BAHCC1: variants seen among roughly 807,000 people sequenced by gnomAD.
BAHCC1 encodes the protein BAH and coiled-coil domain-containing protein 1.
Under a neutral mutation model 88.2 loss-of-function variants are expected in BAHCC1, and 43 were observed. That is an observed-to-expected ratio of 0.49 (90% confidence interval 0.38 to 0.63). The LOEUF (loss-of-function observed/expected upper bound fraction) is 0.63. Ranked by LOEUF, BAHCC1 falls within the 20% of genes least tolerant of loss-of-function variation. The pLI is 0.00. For missense variants in BAHCC1, 3,023 were observed against 1,654.8 expected, an observed-to-expected ratio of 1.83 and a Z score of -14.34; for synonymous variants, 1,510 against 745.5, an observed-to-expected ratio of 2.03 and a Z score of -16.71.
At chr17:81,413,051 G>C (rs1220467463) in intron 2 of BAHCC1, 1 of 381,280 alleles carries the variant, frequency 2.6e-6, no homozygotes, top group Non-Finnish European at 5.3e-6. Flanking sequence ...ACGAGTCCAG[G>C]TCCCGCCCAC....
chr17:81,438,319 G>A (rs1555652006), intron 3 of BAHCC1, 51 bp from the exon 4 acceptor site: 1 of 773,890 alleles, frequency 1.3e-6, no homozygotes, highest in South Asian at 1.4e-5. Flanking sequence ...GGGCGAGTGT[G>A]GGCCAGGGGG....
chr17:81,412,305 T>C (rs11655234), intron 2 of BAHCC1, among the ~76,000 whole-genome samples: 27,954 of 152,296 alleles, frequency 0.18, 2,782 homozygotes, highest in Non-Finnish European at 0.2. Flanking sequence ...ACTTTTAATT[T>C]ATTTTAATTG....
intron 2 of BAHCC1, 66 bp from the exon 3 acceptor site, chr17:81,426,734 C>T (rs2064204470): frequency 5.0e-6 from 2 of 398,184 alleles, no homozygotes; most frequent in South Asian, 1.3e-4. Context: ...GTGGTGTTGC[C>T]CCTGCCCTGC....
intron 13 of BAHCC1, 128 bp downstream of exon 13, chr17:81,452,235 A>G: frequency 4.0e-6 from 2 of 498,026 alleles, no homozygotes; most frequent in Non-Finnish European, 7.0e-6. Context: ...GTGGGCAGAC[A>G]CCAGGGTCCA....
chr17:81,451,605 A>G, intron 11 of BAHCC1, 63 bp from the exon 12 acceptor site: 1 of 707,504 alleles, frequency 1.4e-6, no homozygotes, highest in Non-Finnish European at 2.6e-6. Flanking sequence ...GGCTGACATC[A>G]AGAGCCTGTG....
chr17:81,433,477 G>T (rs569677729), intron 3 of BAHCC1, among the ~76,000 whole-genome samples: 3 of 148,948 alleles, frequency 2.0e-5, no homozygotes, highest in Non-Finnish European at 4.5e-5. Context: ...GGCCCCTCCT[G>T]TGCCCAGGGC....
At position 81,443,504 on chromosome 17, in the gene BAHCC1, T is replaced by C. The variant is rs555709611; in HGVS notation, c.2155T>C (p.Ser719Pro). The C allele has an allele frequency of 1.0e-5, 7 of 699,592 alleles. No individual in the cohort carries two copies. The highest frequency in any genetic ancestry group is 9.1e-5 in the South Asian group (6 of 66,128). The allele number at this position is 699,592 out of a possible 1,614,324, so 43.3% of individuals were successfully genotyped here. The change falls in exon 5 of 28, where the codon TCT becomes CCT. Residue 719 changes from serine to proline, a missense_variant. By Grantham distance (74) the Ser-to-Pro change is moderately conservative. Coordinates refer to ENST00000675386, the MANE Select transcript of BAHCC1 (RefSeq NM_001377448.1). ...LARQKDTVSR[S>P]EAAYGTNTAR... Reference sequence around the variant, plus strand: ...CCGGCAGAAGGACACAGTGAGCCGGTCTGAGGCAGCCTACGGCACCAACAC... The same window carrying C: ...CCGGCAGAAGGACACAGTGAGCCGGCCTGAGGCAGCCTACGGCACCAACAC...
Position 81,444,578 on chromosome 17 carries a change from C to A in BAHCC1, c.2512+10C>A. 1 of 734,170 alleles carries A rather than the reference C, an allele frequency of 1.4e-6. No homozygotes were observed. The highest frequency in any genetic ancestry group is 2.5e-6 in the Non-Finnish European group (1 of 400,878). The allele number at this position is 734,170 out of a possible 1,614,324, so 45.5% of individuals were successfully genotyped here. A position where few individuals can be genotyped will look rare whatever the true frequency, so the allele number is the denominator to read the frequency against. On this transcript the variant is annotated intron_variant, in intron 7 of 27. Transcript: ENST00000675386. ...GGGGGGCACTCCTACGGTCAGTGATCCAAGGGCGGGGGCTGGCCTGGGGCT... is the reference window on the plus strand; with the variant it reads ...GGGGGGCACTCCTACGGTCAGTGATACAAGGGCGGGGGCTGGCCTGGGGCT...
Position 81,444,437 on chromosome 17 carries a change from G to A in BAHCC1, c.2381G>A (p.Gly794Glu), listed in dbSNP as rs1555653677. ...ARIHPPSSCP[G>E]DLAPHLMMQS... ...ATCCACCCACCGAGCAGCTGCCCTGGGGACCTGGCCCCCCACCTCATGATG... is the reference window on the plus strand; with the variant it reads ...ATCCACCCACCGAGCAGCTGCCCTGAGGACCTGGCCCCCCACCTCATGATG... The change falls in exon 7 of 28, where the codon GGG (glycine) becomes GAG (glutamate). Residue 794 changes from glycine (G) to glutamate (E), a missense_variant. Coordinates refer to ENST00000675386, the MANE Select transcript of BAHCC1 (RefSeq NM_001377448.1). The A allele has an allele frequency of 1.3e-6, 1 of 745,796 alleles. No homozygotes were observed. Among genetic ancestry groups the A allele is most frequent in the African/African-American group, 1.7e-5 (1 of 58,370 alleles). 46.2% of individuals were successfully genotyped at this position (745,796 alleles called of 1,614,324 possible).
intron 3 of BAHCC1, among the ~76,000 whole-genome samples, chr17:81,437,607 CG>C (rs574234380): frequency 1.1e-4 from 16 of 152,340 alleles, no homozygotes; most frequent in African/African-American, 3.8e-4. Flanking sequence ...CAGGGCCAGC[CG>C]CGTGGGTGGC....
chr17:81,444,107 C>A (rs373216831), intron 6 of BAHCC1, 190 bp downstream of exon 6: 18 of 604,824 alleles, frequency 3.0e-5, no homozygotes, highest in African/African-American at 1.8e-4. Context: ...TCTCAGTTAA[C>A]CCCTTGCAGC....
At chr17:81,441,229 G>A (rs2064409434) in intron 4 of BAHCC1, among the ~76,000 whole-genome samples, 1 of 152,228 alleles carries the variant, frequency 6.6e-6, no homozygotes. Flanking sequence ...CAGAACTGCG[G>A]TTCGGGGAGG....
At chr17:81,451,553 C>T (rs2064634595) in intron 11 of BAHCC1, 115 bp from the exon 12 acceptor site, 3 of 622,210 alleles carry the variant, frequency 4.8e-6, no homozygotes, top group East Asian at 5.5e-5. Flanking sequence ...GTCTCCTGAC[C>T]CTCATCCCGG....
rs1598521715 is a variant in BAHCC1 at position 81,464,300 on chromosome 17, G to A, written c.*483G>A. The A allele has an allele frequency of 5.2e-6, 1 of 192,282 alleles. No individual in the cohort carries two copies. The highest frequency in any genetic ancestry group is 2.3e-5 in the African/African-American group (1 of 42,830). 11.9% of individuals were successfully genotyped at this position (192,282 alleles called of 1,614,324 possible). On this transcript the variant is annotated 3_prime_UTR_variant, in exon 28 of 28. Coordinates refer to ENST00000675386, the MANE Select transcript of BAHCC1 (RefSeq NM_001377448.1). ...ACAAGGTGTGTGTGAGCGTGTATGT[G>A]TGTGCGCGTGTGTGGCGATTTTTGT...
At chr17:81,407,864 T>C (rs782246020) in intron 2 of BAHCC1, among the ~76,000 whole-genome samples, 93 of 152,320 alleles carry the variant, frequency 6.1e-4, no homozygotes, top group Non-Finnish European at 1.1e-3. Context: ...ACTCACACTG[T>C]TCACAACTGG....
At chr17:81,396,535 C>A (rs1490752606) in intron 1 of BAHCC1, 1 of 152,218 alleles carries the variant, frequency 6.6e-6, no homozygotes, top group Admixed American at 6.5e-5. Context: ...CACTCGCGCC[C>A]CAAGGCGCGC....
intron 2 of BAHCC1, among the ~76,000 whole-genome samples, chr17:81,415,053 C>T (rs914911888): frequency 6.7e-6 from 1 of 149,416 alleles, no homozygotes; most frequent in African/African-American, 2.5e-5. Context: ...CCCATTGGAG[C>T]TCTGCCCTTC....
intron 2 of BAHCC1, among the ~76,000 whole-genome samples, chr17:81,408,959 C>T (rs1195061875): frequency 3.9e-5 from 6 of 152,264 alleles, no homozygotes; most frequent in African/African-American, 7.2e-5. Context: ...GCTCAGGTGA[C>T]GCGCACAGGC....
At chr17:81,424,930 T>C (rs797027912) in intron 2 of BAHCC1, among the ~76,000 whole-genome samples, 1 of 146,776 alleles carries the variant, frequency 6.8e-6, no homozygotes, top group African/African-American at 2.6e-5. Context: ...GTGATGTGGT[T>C]GGTGCTGATA....
Sources: allele counts gnomAD v4.1 joint callset (sites outside exome capture counted in the v4.1 genomes callset), GRCh38; gene constraint gnomAD v4.1.1; transcripts MANE v1.5; gene names NCBI Gene and HGNC (gene_info 2026-07-23, HGNC 2026-07-21).